RNF25: variants seen among roughly 807,000 people sequenced by gnomAD.
RNF25 encodes the protein ring finger protein 25, also known as E3 ubiquitin-protein ligase RNF25.
A neutral mutation model predicts 65.0 loss-of-function variants in RNF25; 32 were observed. The ratio of observed to expected loss-of-function variants is 0.49; its 90% CI spans 0.37 to 0.66. The LOEUF is 0.66. Among genes scored for constraint, RNF25 ranks in the 30% least tolerant of loss-of-function variants. RNF25 has a pLI of 0.00. For synonymous variants in RNF25, 207 were observed against 221.2 expected (o/e 0.94, Z 0.57); for missense variants, 493 against 584.8 (o/e 0.84, Z 1.62).
At chr2:218,668,483 T>C in intron 2 of RNF25, 122 bp downstream of exon 2, 1 of 983,094 alleles carries the variant, frequency 1.0e-6, no homozygotes, top group Non-Finnish European at 1.6e-6. Flanking sequence ...GAATAGCTTT[T>C]GTCTACACAA....
At chr2:218,671,854 C>G in intron 1 of RNF25, 76 bp downstream of exon 1, 1 of 1,538,798 alleles carries the variant, frequency 6.5e-7, no homozygotes, top group South Asian at 1.1e-5. Flanking sequence ...GCCCGCCGTA[C>G]GGACCGTCTG....
intron 1 of RNF25, among the ~76,000 whole-genome samples, chr2:218,671,435 G>A (rs576676511): frequency 3.9e-5 from 6 of 152,212 alleles, no homozygotes; most frequent in East Asian, 1.9e-4. Context: ...GGACTAGAGG[G>A]ACTTTATATG....
Position 218,668,772 on chromosome 2 carries a change from A to T in RNF25, c.42-93T>A, listed in dbSNP as rs978800050. 4.7e-6 allele frequency: 4 copies of T among 842,258 alleles called. No individual in the cohort carries two copies. In the African/African-American group the frequency reaches 5.1e-5, roughly 11 times the overall value. 52.2% of individuals were successfully genotyped at this position (842,258 alleles called of 1,614,324 possible). On this transcript the variant is annotated intron_variant, in intron 1 of 9. Transcript: ENST00000295704. Reference sequence around the variant, plus strand: ...AAGGCAGGCTTTGTAGAAAAATGGCAATCTACCAGAATGCATTCTCCTGCT... The same window carrying T: ...AAGGCAGGCTTTGTAGAAAAATGGCTATCTACCAGAATGCATTCTCCTGCT...
rs1170673789 is a variant in RNF25 at position 218,665,182 on chromosome 2, T to A, written c.639A>T (p.Lys213Asn). The change falls in exon 8 of 10, where the codon AAA becomes AAT. Residue 213 changes from lysine to asparagine, a missense_variant. This residue lies in a region of RNF25 where 351 missense variants were observed against 400.2 expected (regional missense o/e 0.88). Coordinates refer to ENST00000295704, the MANE Select transcript of RNF25 (RefSeq NM_022453.3). ...EPLVYDLASL[K>N]AAPEPQQPME... ...TGGGCTGTTGGGGTTCAGGGGCTGC[T>A]TTCAGTGAGGCAAGATCATACACGA... is the stretch of plus-strand genomic sequence containing the variant. 6.2e-7 allele frequency: 1 copy of A among 1,614,214 alleles called. No individual in the cohort carries two copies. The highest frequency in any genetic ancestry group is 1.1e-5 in the South Asian group (1 of 91,086).
intron 6 of RNF25, 47 bp downstream of exon 6, chr2:218,666,112 A>T: frequency 6.2e-7 from 1 of 1,612,334 alleles, no homozygotes; most frequent in Non-Finnish European, 8.5e-7. Context: ...CACAGCCCTC[A>T]TCTGCTGGTC....
chr2:218,668,411 G>C (rs1939883261), intron 2 of RNF25, 70 bp from the exon 3 acceptor site: 1 of 1,108,186 alleles, frequency 9.0e-7, no homozygotes, highest in Admixed American at 1.9e-5. Context: ...GGATGGGGCT[G>C]AGACAGTGAA....
rs41272683 is a variant in RNF25, at chr2:218,665,939, G to T, written c.550C>A (p.Arg184=). The T allele has an allele frequency of 8.7e-6, 14 of 1,614,004 alleles. No individual in the cohort carries two copies. In the East Asian group the frequency reaches 2.0e-4, roughly 23 times the overall value. Residue 184 remains arginine, a synonymous_variant, in exon 7 of 10, where the codon CGG becomes AGG. Transcript: ENST00000295704. ...KAQGQEQEQE[R]QHATTKQKAV... ...ACCTGTTTGGTTGTAGCATGCTGCC[G>T]TTCCTGTTCCTGCTCCTGTCCTTGT...
chr2:218,671,807 A>G (rs889150920), intron 1 of RNF25, 123 bp downstream of exon 1: 5 of 1,039,434 alleles, frequency 4.8e-6, no homozygotes, highest in Admixed American at 2.3e-5. Context: ...AGATGTCAGC[A>G]TCTCTGCCAT....
intron 1 of RNF25, among the ~76,000 whole-genome samples, chr2:218,670,140 AGT>A (rs1939914027): frequency 6.7e-6 from 1 of 150,296 alleles, no homozygotes; most frequent in African/African-American, 2.5e-5. Context: ...TCGAGGCTGT[AGT>A]GAGCCATGAT....
chr2:218,668,754 G>T, intron 1 of RNF25, 75 bp from the exon 2 acceptor site: 1 of 1,041,726 alleles, frequency 9.6e-7, no homozygotes, highest in Non-Finnish European at 1.5e-6. Flanking sequence ...ATAAAGGCAG[G>T]CTTTGTAGAA....
rs1939773648 is a variant in RNF25 at position 218,664,452 on chromosome 2, G to A, written c.885C>T (p.Ser295=). 1.2e-6 allele frequency: 2 copies of A among 1,614,200 alleles called. No homozygotes were observed. Among genetic ancestry groups the A allele is most frequent in the Non-Finnish European group, 1.7e-6 (2 of 1,180,030 alleles). Reference sequence around the variant, plus strand: ...AAGTGGATTGGACGGCTGGTGAGGTGGATAGTTCTGCTGCAAGGGTGCTGG... The same window carrying A: ...AAGTGGATTGGACGGCTGGTGAGGTAGATAGTTCTGCTGCAAGGGTGCTGG... ...QPPSTLAAEL[S]TSPAVQSTLP... is the part of the protein sequence containing the mutation. Residue 295 remains serine (S), a synonymous_variant, in exon 10 of 10, where the codon TCC becomes TCT. Transcript: ENST00000295704. The surrounding 1 kb of genome is among the most constrained non-coding windows in gnomAD (Gnocchi z 5.1).
rs1476854169 is a variant in RNF25 at position 218,664,548 on chromosome 2, G to C, written c.802-13C>G. Reference sequence around the variant, plus strand: ...CAGGGGCAGGAGGCTAGAAATAAGTGACAAGATGCAGTGAGGGAGATGCAG... The same window carrying C: ...CAGGGGCAGGAGGCTAGAAATAAGTCACAAGATGCAGTGAGGGAGATGCAG... On this transcript the variant is annotated splice_polypyrimidine_tract_variant and intron_variant, in intron 9 of 9. Coordinates refer to ENST00000295704, the MANE Select transcript of RNF25 (RefSeq NM_022453.3). This position sits in a 1 kb window ranked among gnomAD's most constrained non-coding sequence, Gnocchi z 5.1. 1.9e-6 allele frequency: 3 copies of C among 1,608,540 alleles called. No individual in the cohort carries two copies. In the East Asian group the frequency reaches 6.7e-5, roughly 36 times the overall value.
chr2:218,669,895 T>C (rs917225052), intron 1 of RNF25, among the ~76,000 whole-genome samples: 2 of 151,872 alleles, frequency 1.3e-5, no homozygotes, highest in Non-Finnish European at 2.9e-5. Context: ...TGTTGCTGTC[T>C]CCATGGCTCA....
chr2:218,668,592 G>T lies in RNF25; in HGVS notation c.116+13C>A. On this transcript the variant is annotated intron_variant, in intron 2 of 9. Transcript: ENST00000295704. ...CTAGGGGGACTCCTGCCCACCACTGGTTGAATACATACCTGCCATTTCCTT... is the reference window on the plus strand; with the variant it reads ...CTAGGGGGACTCCTGCCCACCACTGTTTGAATACATACCTGCCATTTCCTT... 1.3e-6 allele frequency: 2 copies of T among 1,592,052 alleles called. No individual in the cohort carries two copies. Among genetic ancestry groups the T allele is most frequent in the Non-Finnish European group, 8.6e-7 (1 of 1,160,194 alleles).
chr2:218,671,884 G>A lies in RNF25; in HGVS notation c.41+46C>T, dbSNP rs1349710305. On this transcript the variant is annotated intron_variant, in intron 1 of 9. Coordinates refer to ENST00000295704, the MANE Select transcript of RNF25 (RefSeq NM_022453.3). ...CGTCTGCGACAGCTGCTAGGCCTCT[G>A]GACTAGATCCAGGCTGTCAGCCAAA... 1.9e-6 allele frequency: 3 copies of A among 1,610,956 alleles called. No homozygotes were observed. The Admixed American group carries it at 5.0e-5, about 27-fold the overall frequency.
rs755813178 is a variant in RNF25, at chr2:218,664,481, G to A, written c.856C>T (p.Pro286Ser). The stretch of plus-strand genomic sequence containing the variant: ...AGTTCTGCTGCAAGGGTGCTGGGTG[G>A]TTGGGATCCTTTGGAGACATCTACA... Reference protein sequence around the residue: ...SAVDVSKGSQPPSTLAAELST... With the variant: ...SAVDVSKGSQSPSTLAAELST... The change falls in exon 10 of 10, where the codon CCA becomes TCA. Residue 286 changes from proline (P) to serine (S), a missense_variant. Transcript: ENST00000295704. This position sits in a 1 kb window ranked among gnomAD's most constrained non-coding sequence, Gnocchi z 5.1. 3 of 1,614,014 alleles carry A rather than the reference G, an allele frequency of 1.9e-6. No individual in the cohort carries two copies. Among genetic ancestry groups the A allele is most frequent in the South Asian group, 1.1e-5 (1 of 91,090 alleles).
chr2:218,667,802 C>A, intron 5 of RNF25, 110 bp downstream of exon 5: 1 of 977,272 alleles, frequency 1.0e-6, no homozygotes, highest in Non-Finnish European at 1.5e-6. Context: ...TAGGCCTTAC[C>A]TAATGACTCC....
intron 1 of RNF25, among the ~76,000 whole-genome samples, chr2:218,671,266 CT>C (rs35556340): frequency 0.16 from 23,068 of 147,958 alleles, 3,871 homozygotes; most frequent in African/African-American, 0.43. Flanking sequence ...GCCACACCCA[CT>C]TTTTTTTTTT....
chr2:218,670,494 G>A (rs1418831418), intron 1 of RNF25, among the ~76,000 whole-genome samples: 3 of 151,770 alleles, frequency 2.0e-5, no homozygotes, highest in African/African-American at 7.3e-5. Flanking sequence ...AGGAGATAGA[G>A]ACCATCCTGG....
Sources: allele counts gnomAD v4.1 joint callset (sites outside exome capture counted in the v4.1 genomes callset), GRCh38; gene constraint gnomAD v4.1.1; regional missense constraint gnomAD v4.1.1; non-coding constraint Gnocchi (gnomAD v3.1); transcripts MANE v1.5; gene names NCBI Gene and HGNC (gene_info 2026-07-23, HGNC 2026-07-21).